Variants in NKAIN2 observed in about 807,000 individuals in gnomAD.
NKAIN2 encodes sodium/potassium transporting ATPase interacting 2, also known as sodium/potassium-transporting ATPase subunit beta-1-interacting protein 2.
Under a neutral mutation model 32.6 loss-of-function variants are expected in NKAIN2, and 14 were observed. The observed-to-expected ratio is 0.43, with a 90% CI of 0.28 to 0.67. NKAIN2 has a LOEUF of 0.67. Ranked by LOEUF, NKAIN2 falls within the 30% of genes least tolerant of loss-of-function variation. The pLI, the probability that NKAIN2 is intolerant of heterozygous loss-of-function variation, is 0.17. For synonymous variants in NKAIN2, 80 were observed against 87.2 expected, an observed-to-expected ratio of 0.92 and a Z score of 0.46; for missense variants, 198 against 258.3, an observed-to-expected ratio of 0.77 and a Z score of 1.60.
At chr6:124,526,534 C>G (rs1779320778) in intron 3 of NKAIN2, among the ~76,000 whole-genome samples, 1 of 152,034 alleles carries the variant, frequency 6.6e-6, no homozygotes, top group South Asian at 2.1e-4. Context: ...ATATGTATCT[C>G]AGAGACAATC....
intron 1 of NKAIN2, among the ~76,000 whole-genome samples, chr6:124,017,840 C>G (rs1394528731): frequency 1.3e-5 from 2 of 152,026 alleles, no homozygotes; most frequent in Non-Finnish European, 2.9e-5. Flanking sequence ...TTTCCAGGTG[C>G]ACAGTGTGAG....
chr6:123,980,265 C>A (rs7758289), intron 1 of NKAIN2, among the ~76,000 whole-genome samples: 7,758 of 152,118 alleles, frequency 0.051, 680 homozygotes, highest in African/African-American at 0.18. Context: ...AAATAAATGT[C>A]TTTTTTGAAG....
At chr6:124,227,080 T>G (rs1466904526) in intron 1 of NKAIN2, among the ~76,000 whole-genome samples, 2 of 128,352 alleles carry the variant, frequency 1.6e-5, no homozygotes, top group Non-Finnish European at 3.5e-5. Context: ...TGCTACTCTC[T>G]TGGAGGCAAA....
intron 1 of NKAIN2, among the ~76,000 whole-genome samples, chr6:124,281,850 C>T (rs1343107325): frequency 1.3e-5 from 2 of 152,156 alleles, no homozygotes; most frequent in Admixed American, 6.5e-5. Flanking sequence ...GTCAGTATTT[C>T]CTTCTGAAAA....
At chr6:124,233,857 C>A (rs1409577955) in intron 1 of NKAIN2, among the ~76,000 whole-genome samples, 1 of 152,116 alleles carries the variant, frequency 6.6e-6, no homozygotes, top group African/African-American at 2.4e-5. Flanking sequence ...CTATACTATA[C>A]GAACATTCCA....
chr6:124,307,024 T>C (rs970089747), intron 2 of NKAIN2, among the ~76,000 whole-genome samples: 1 of 152,176 alleles, frequency 6.6e-6, no homozygotes, highest in African/African-American at 2.4e-5. Context: ...AAATCATGCC[T>C]ATTCTTATGT....
rs550568165 is a variant in NKAIN2 at position 123,806,456 on chromosome 6, T to A, written c.54+2202T>A. On this transcript the variant is annotated intron_variant, in intron 1 of 6. Coordinates refer to ENST00000368417, the MANE Select transcript of NKAIN2 (RefSeq NM_001040214.3). Reference sequence around the variant, plus strand: ...AAAGGACCTCAGAGATTCTTGGTAATTGTTGCTTTTTGGAAATACGGTATT... The same window carrying A: ...AAAGGACCTCAGAGATTCTTGGTAAATGTTGCTTTTTGGAAATACGGTATT... Among the ~76,000 whole-genome samples the A allele has an allele frequency of 2.0e-5, 3 of 152,202 alleles. 1 individual carries two copies. The South Asian group carries it at 6.2e-4, about 32-fold the overall frequency.
At chr6:123,966,994 A>G (rs1057205777) in intron 1 of NKAIN2, among the ~76,000 whole-genome samples, 2 of 152,208 alleles carry the variant, frequency 1.3e-5, no homozygotes, top group African/African-American at 4.8e-5. Flanking sequence ...CCTAAAGATT[A>G]AAACAACCTC....
chr6:124,522,656 A>G (rs1236050936), intron 3 of NKAIN2, among the ~76,000 whole-genome samples: 1 of 152,108 alleles, frequency 6.6e-6, no homozygotes, highest in Non-Finnish European at 1.5e-5. Flanking sequence ...CACAGATTTT[A>G]TCTTATATAT....
intron 3 of NKAIN2, among the ~76,000 whole-genome samples, chr6:124,595,661 A>G (rs1050049965): frequency 1.3e-4 from 6 of 46,854 alleles, no homozygotes; most frequent in African/African-American, 3.5e-4. Context: ...GGGCAAAGGG[A>G]TGGGAAATTA....
chr6:123,920,464 A>G (rs1164751398), intron 1 of NKAIN2, among the ~76,000 whole-genome samples: 1 of 152,130 alleles, frequency 6.6e-6, no homozygotes, highest in Non-Finnish European at 1.5e-5. Context: ...AGAAGCACAA[A>G]AACCTAGGAT....
intron 4 of NKAIN2, 90 bp from the exon 5 acceptor site, chr6:124,791,249 T>C: frequency 1.1e-6 from 1 of 907,200 alleles, no homozygotes; most frequent in East Asian, 2.5e-5. Flanking sequence ...AGTCTGGTTG[T>C]AAACTGCCTG....
At chr6:124,548,459 C>T (rs1043754657) in intron 3 of NKAIN2, among the ~76,000 whole-genome samples, 2 of 152,100 alleles carry the variant, frequency 1.3e-5, no homozygotes, top group African/African-American at 4.8e-5. Flanking sequence ...AAAAGGGAAG[C>T]GTGGTGCATG....
chr6:123,909,577 G>C (rs985203562), intron 1 of NKAIN2, among the ~76,000 whole-genome samples: 1 of 152,118 alleles, frequency 6.6e-6, no homozygotes, highest in African/African-American at 2.4e-5. Flanking sequence ...ACATGCAATT[G>C]TTTCTTCTAC....
intron 3 of NKAIN2, among the ~76,000 whole-genome samples, chr6:124,521,204 T>A (rs1779106703): frequency 6.6e-6 from 1 of 152,188 alleles, no homozygotes; most frequent in African/African-American, 2.4e-5. Flanking sequence ...GTCGCCTTGT[T>A]CCCATCACTG....
At chr6:124,419,234 C>A (rs376624198) in intron 3 of NKAIN2, among the ~76,000 whole-genome samples, 2 of 152,104 alleles carry the variant, frequency 1.3e-5, no homozygotes, top group Non-Finnish European at 2.9e-5. Flanking sequence ...TTACCCCAAG[C>A]TTCACTTCTC....
intron 3 of NKAIN2, among the ~76,000 whole-genome samples, chr6:124,574,128 G>A (rs530352526): frequency 5.3e-5 from 8 of 152,172 alleles, no homozygotes; most frequent in Non-Finnish European, 1.0e-4. Flanking sequence ...GGCATGTAGT[G>A]GAGGCAGCTG....
chr6:124,774,337 A>G (rs535390003), intron 4 of NKAIN2, among the ~76,000 whole-genome samples: 33 of 152,306 alleles, frequency 2.2e-4, no homozygotes, highest in African/African-American at 7.5e-4. Context: ...AATGTCAGAA[A>G]AAGAAGAGTC....
chr6:124,565,941 C>G (rs1447656673), intron 3 of NKAIN2, among the ~76,000 whole-genome samples: 1 of 152,176 alleles, frequency 6.6e-6, no homozygotes, highest in Non-Finnish European at 1.5e-5. Flanking sequence ...CCACTAAATT[C>G]AATACTAAAC....
Sources: allele counts gnomAD v4.1 joint callset (sites outside exome capture counted in the v4.1 genomes callset), GRCh38; gene constraint gnomAD v4.1.1; transcripts MANE v1.5; gene names NCBI Gene and HGNC (gene_info 2026-07-23, HGNC 2026-07-21).